Variants in CSMD3 observed in about 807,000 individuals in gnomAD.
The protein encoded by CSMD3 is CUB and Sushi multiple domains 3.
In CSMD3, 177 loss-of-function variants were observed where a neutral mutation model predicts 435.2. The observed-to-expected ratio is 0.41, with a 90% confidence interval of 0.36 to 0.46. The LOEUF (loss-of-function observed/expected upper bound fraction) is 0.46, where lower values mean the gene tolerates loss of function less well. CSMD3 is among the 20% of genes least tolerant of loss of function. The pLI, the probability that CSMD3 is intolerant of heterozygous loss-of-function variation, is 0.34. For synonymous variants in CSMD3, 1,656 were observed against 1,520.5 expected (o/e 1.09, Z -2.07); for missense variants, 4,265 against 4,504.6 (o/e 0.95, Z 1.52).
At position 112,393,043 on chromosome 8, in the gene CSMD3, G is replaced by A. The variant is rs191304543; in HGVS notation, c.5810-2255C>T. Among the ~76,000 whole-genome samples, 3 of 151,608 alleles carry A rather than the reference G, an allele frequency of 2.0e-5. No individual in the cohort carries two copies. In the East Asian group the frequency reaches 5.8e-4, roughly 29 times the overall value. On this transcript the variant is annotated intron_variant, in intron 35 of 70. Coordinates refer to ENST00000297405, the MANE Select transcript of CSMD3 (RefSeq NM_198123.2). ...ATCACACCCAGCTAATTTGTGTACA[G>A]ATATTCAGCTAATTTTTATATAGCT... is the stretch of plus-strand genomic sequence containing the variant.
At chr8:112,286,655 A>T (rs918155517) in intron 58 of CSMD3, among the ~76,000 whole-genome samples, 1 of 152,104 alleles carries the variant, frequency 6.6e-6, no homozygotes, top group Non-Finnish European at 1.5e-5. Flanking sequence ...ATAAAACTTT[A>T]TTACAGGTAT....
chr8:113,413,275 T>G (rs1442099361), intron 1 of CSMD3, among the ~76,000 whole-genome samples: 3 of 152,176 alleles, frequency 2.0e-5, no homozygotes, highest in Non-Finnish European at 4.4e-5. Context: ...TTTTATTGTA[T>G]TATTTTAAAT....
intron 21 of CSMD3, among the ~76,000 whole-genome samples, chr8:112,637,391 CT>C (rs1281549910): frequency 1.8e-5 from 2 of 114,268 alleles, no homozygotes; most frequent in East Asian, 4.3e-4. Flanking sequence ...ATCATTTGCA[CT>C]TTTGAAATGC....
At chr8:113,284,180 A>G (rs1354464165) in intron 2 of CSMD3, among the ~76,000 whole-genome samples, 5 of 152,082 alleles carry the variant, frequency 3.3e-5, no homozygotes, top group Admixed American at 3.3e-4. Context: ...AATCACCACT[A>G]AAGAACTTAC....
intron 1 of CSMD3, among the ~76,000 whole-genome samples, chr8:113,360,570 C>CTT (rs35009987): frequency 6.7e-5 from 6 of 88,908 alleles, no homozygotes; most frequent in Non-Finnish European, 8.5e-5. Context: ...TGACTTCAGT[C>CTT]TTTTTTTTTT....
At position 113,113,108 on chromosome 8, in the gene CSMD3, G is replaced by A. The variant is rs182996652; in HGVS notation, c.710-14145C>T. 2.0e-3 allele frequency among the ~76,000 whole-genome samples: 298 copies of A among 152,242 alleles called. 3 individuals carry two copies. Among genetic ancestry groups the A allele is most frequent in the Non-Finnish European group, 2.0e-3 (139 of 68,022 alleles). On this transcript the variant is annotated intron_variant, in intron 4 of 70. Coordinates refer to ENST00000297405, the MANE Select transcript of CSMD3 (RefSeq NM_198123.2). ...GTTCCCACTGCACTATGTGCTCCTTGGAGCCAGAGATGCTGGCCACAGTGC... is the reference window on the plus strand; with the variant it reads ...GTTCCCACTGCACTATGTGCTCCTTAGAGCCAGAGATGCTGGCCACAGTGC...
At chr8:113,248,353 T>C (rs1001522739) in intron 3 of CSMD3, among the ~76,000 whole-genome samples, 3 of 150,576 alleles carry the variant, frequency 2.0e-5, no homozygotes, top group Non-Finnish European at 4.4e-5. Flanking sequence ...CTCTATTGTA[T>C]ATAACACATA....
chr8:112,508,202 C>T (rs1363710736), intron 28 of CSMD3, among the ~76,000 whole-genome samples: 5 of 152,260 alleles, frequency 3.3e-5, no homozygotes, highest in East Asian at 3.9e-4. Context: ...GCTCAGGTTT[C>T]TTTCATCTTA....
intron 17 of CSMD3, among the ~76,000 whole-genome samples, chr8:112,659,405 GTTA>G (rs905419893): frequency 8.5e-5 from 13 of 152,098 alleles, no homozygotes; most frequent in Non-Finnish European, 1.6e-4. Context: ...AGCACTAAAT[GTTA>G]TTATGAATGA....
intron 22 of CSMD3, among the ~76,000 whole-genome samples, chr8:112,621,928 C>G (rs923884089): frequency 6.6e-6 from 1 of 152,106 alleles, no homozygotes; most frequent in African/African-American, 2.4e-5. Context: ...CTGTCTGGAG[C>G]CTAACAACCA....
chr8:112,280,655 A>C (rs149710010), intron 59 of CSMD3, among the ~76,000 whole-genome samples: 74 of 152,266 alleles, frequency 4.9e-4, no homozygotes, highest in African/African-American at 1.7e-3. Context: ...TTTTAAACAC[A>C]TTTTTCAAAA....
At chr8:113,141,930 G>T (rs535542273) in intron 4 of CSMD3, among the ~76,000 whole-genome samples, 19 of 150,918 alleles carry the variant, frequency 1.3e-4, no homozygotes, top group Admixed American at 6.6e-5. Flanking sequence ...CAGGGTCTCA[G>T]AATATAAAAT....
chr8:112,351,514 CAA>C (rs1826135067), intron 39 of CSMD3, among the ~76,000 whole-genome samples: 1 of 151,744 alleles, frequency 6.6e-6, no homozygotes, highest in African/African-American at 2.4e-5. Context: ...TTTCCTATAA[CAA>C]TATGTTTTAC....
At position 112,230,166 on chromosome 8, in the gene CSMD3, C is replaced by CT. The variant is rs1185953298; in HGVS notation, c.10829-1276dup. ...GTTCTTTCTTAAAAGGAAATAGTTC[C>CT]TTTTTTGTGGGTTCTGCTTCAGACT... On this transcript the variant is annotated intron_variant, in intron 69 of 70. Coordinates refer to ENST00000297405, the MANE Select transcript of CSMD3 (RefSeq NM_198123.2). Among the ~76,000 whole-genome samples, 8 of 152,064 alleles carry CT rather than the reference C, an allele frequency of 5.3e-5. No homozygotes were observed. The East Asian group carries it at 1.4e-3, about 26-fold the overall frequency.
At position 112,346,237 on chromosome 8, in the gene CSMD3, G is replaced by A. The variant is rs545195815; in HGVS notation, c.6326-24C>T. ...AGCTGCAAAATAACAGAAATCCAAA[G>A]TAAACCAGAGTAGAGGAATAATTTA... On this transcript the variant is annotated intron_variant, in intron 40 of 70. Transcript: ENST00000297405. 8 of 1,286,996 alleles carry A rather than the reference G, an allele frequency of 6.2e-6. No homozygotes were observed. The South Asian group carries it at 9.5e-5, about 15-fold the overall frequency. 79.7% of individuals were successfully genotyped at this position (1,286,996 alleles called of 1,614,324 possible). A position where few individuals can be genotyped will look rare whatever the true frequency, so the allele number is the denominator to read the frequency against.
chr8:112,645,378 A>G (rs72678429), intron 19 of CSMD3, among the ~76,000 whole-genome samples, 153 bp from the exon 20 acceptor site: 26,428 of 152,146 alleles, frequency 0.17, 2,428 homozygotes, highest in Middle Eastern at 0.37. Flanking sequence ...CTAGAGAAGA[A>G]AAGTGTACTC....
chr8:113,104,777 C>T (rs2090426951), intron 4 of CSMD3, among the ~76,000 whole-genome samples: 2 of 151,984 alleles, frequency 1.3e-5, no homozygotes, highest in Admixed American at 6.6e-5. Flanking sequence ...AAATGAAAAA[C>T]ATGTATAACA....
chr8:112,578,818 A>C (rs1830134250), intron 23 of CSMD3, among the ~76,000 whole-genome samples: 1 of 152,016 alleles, frequency 6.6e-6, no homozygotes, highest in African/African-American at 2.4e-5. Flanking sequence ...ATGAATGGAC[A>C]TGGCTTTCTC....
rs182480151 is a variant in CSMD3 at position 112,779,939 on chromosome 8, C to T, written c.1972+20223G>A. Reference sequence around the variant, plus strand: ...TTCTACTTACAGTAAATAAGGAATACCATTTTACTAATATTTCACTAATGT... The same window carrying T: ...TTCTACTTACAGTAAATAAGGAATATCATTTTACTAATATTTCACTAATGT... On this transcript the variant is annotated intron_variant, in intron 13 of 70. Coordinates refer to ENST00000297405, the MANE Select transcript of CSMD3 (RefSeq NM_198123.2). 5.8e-3 allele frequency among the ~76,000 whole-genome samples: 886 copies of T among 152,054 alleles called. 5 individuals carry two copies. The highest frequency in any genetic ancestry group is 9.8e-3 in the Non-Finnish European group (663 of 67,958).
Sources: gnomAD v4.1 joint callset for allele counts (sites outside exome capture counted in the v4.1 genomes callset) on GRCh38, gnomAD v4.1.1 for gene constraint, MANE v1.5 for transcripts, NCBI Gene and HGNC (gene_info 2026-07-23, HGNC 2026-07-21) for gene names.